The following EXOC4 variants were observed in gnomAD, a reference collection of about 807,000 sequenced individuals.
EXOC4 encodes SEC8-like 1.
Under a neutral mutation model 107.2 loss-of-function variants are expected in EXOC4, and 71 were observed. That is an observed-to-expected ratio of 0.66 (90% CI 0.55 to 0.81). The LOEUF is 0.81. Among genes scored for constraint, EXOC4 ranks in the 30% least tolerant of loss-of-function variants. The pLI is 0.00. For synonymous variants in EXOC4, 456 were observed against 441.2 expected (o/e 1.03, Z -0.42); for missense variants, 1,108 against 1,189.6 (o/e 0.93, Z 1.01).
intron 7 of EXOC4, among the ~76,000 whole-genome samples, chr7:133,419,156 C>T (rs917705545): frequency 1.3e-5 from 2 of 151,974 alleles, no homozygotes; most frequent in African/African-American, 4.8e-5. Flanking sequence ...GAGATGGTTT[C>T]AAGAAAATAA....
At chr7:133,375,065 A>C in intron 7 of EXOC4, 63 bp downstream of exon 7, 1 of 1,361,122 alleles carries the variant, frequency 7.3e-7, no homozygotes, top group Admixed American at 1.8e-5. Context: ...TAACAACAAC[A>C]ACAGCAACAA....
intron 10 of EXOC4, among the ~76,000 whole-genome samples, chr7:133,698,306 A>G (rs543607279): frequency 6.6e-6 from 1 of 152,126 alleles, no homozygotes; most frequent in South Asian, 2.1e-4. Flanking sequence ...TGTTATTCTT[A>G]AAGAACATGC....
At chr7:133,404,903 C>T (rs181740855) in intron 7 of EXOC4, among the ~76,000 whole-genome samples, 14 of 5,660 alleles carry the variant, frequency 2.5e-3, no homozygotes, top group South Asian at 0.029. Context: ...CACACACACA[C>T]GCACACACAC....
chr7:133,711,072 T>A (rs924924566), intron 10 of EXOC4, among the ~76,000 whole-genome samples: 8 of 152,306 alleles, frequency 5.3e-5, no homozygotes, highest in Non-Finnish European at 1.2e-4. Context: ...ACTGTATCAT[T>A]TTTTACTGAC....
chr7:133,463,684 A>G (rs1798647594), intron 7 of EXOC4, among the ~76,000 whole-genome samples: 1 of 152,208 alleles, frequency 6.6e-6, no homozygotes, highest in Non-Finnish European at 1.5e-5. Context: ...AGGTTGTAAA[A>G]TACAGTAATC....
intron 9 of EXOC4, among the ~76,000 whole-genome samples, chr7:133,547,725 A>C (rs1036712590): frequency 6.6e-6 from 1 of 152,082 alleles, no homozygotes; most frequent in Non-Finnish European, 1.5e-5. Context: ...TGTTTGTTCA[A>C]GTTTTATCAT....
chr7:134,069,598 A>G (rs1352629086), downstream of EXOC4, among the ~76,000 whole-genome samples: 4 of 152,090 alleles, frequency 2.6e-5, no homozygotes, highest in Non-Finnish European at 2.9e-5. Context: ...CCTGGGTTCA[A>G]GCGATTCTCA....
At chr7:134,038,993 G>A (rs1466662157) in intron 17 of EXOC4, among the ~76,000 whole-genome samples, 1 of 152,138 alleles carries the variant, frequency 6.6e-6, no homozygotes, top group African/African-American at 2.4e-5. Flanking sequence ...CCCACTTCTG[G>A]AGATCCTGAG....
intron 9 of EXOC4, among the ~76,000 whole-genome samples, chr7:133,603,672 G>A (rs1469961228): frequency 6.6e-6 from 1 of 152,134 alleles, no homozygotes; most frequent in African/African-American, 2.4e-5. Context: ...ACAGTTTAAA[G>A]GTGAAAATGG....
At chr7:133,798,788 G>C (rs938928169) in intron 10 of EXOC4, among the ~76,000 whole-genome samples, 10 of 152,002 alleles carry the variant, frequency 6.6e-5, no homozygotes, top group South Asian at 2.1e-4. Context: ...CCATGAGAAA[G>C]ACAAAAAAAA....
intron 1 of EXOC4, among the ~76,000 whole-genome samples, chr7:133,255,373 C>T (rs1001927947): frequency 6.6e-6 from 1 of 152,138 alleles, no homozygotes; most frequent in African/African-American, 2.4e-5. Flanking sequence ...TACAGGGTTT[C>T]ACCATATTGG....
intron 14 of EXOC4, among the ~76,000 whole-genome samples, chr7:133,950,072 T>A (rs544232555): frequency 6.6e-6 from 1 of 152,310 alleles, no homozygotes; most frequent in East Asian, 1.9e-4. Flanking sequence ...CCCATTCTGC[T>A]AAAACACACA....
At chr7:133,820,276 A>G (rs1797486841) in intron 11 of EXOC4, among the ~76,000 whole-genome samples, 1 of 150,898 alleles carries the variant, frequency 6.6e-6, no homozygotes, top group Admixed American at 6.6e-5. Flanking sequence ...ATATTCTCAG[A>G]GAGAGTTATG....
intron 14 of EXOC4, 123 bp from the exon 15 acceptor site, chr7:133,997,369 A>T: frequency 1.0e-6 from 1 of 983,364 alleles, no homozygotes; most frequent in Non-Finnish European, 1.5e-6. Context: ...TGGACTTCTA[A>T]TGCTGCCAAC....
intron 14 of EXOC4, among the ~76,000 whole-genome samples, chr7:133,973,879 G>C (rs1368918930): frequency 6.6e-6 from 1 of 152,312 alleles, no homozygotes; most frequent in South Asian, 2.1e-4. Context: ...AAATTGAGGG[G>C]CCTGCATCTG....
intron 6 of EXOC4, among the ~76,000 whole-genome samples, chr7:133,366,748 A>G (rs1400214277): frequency 6.6e-6 from 1 of 152,176 alleles, no homozygotes; most frequent in Non-Finnish European, 1.5e-5. Flanking sequence ...ATTGCCTATC[A>G]TATGCTATTT....
intron 12 of EXOC4, among the ~76,000 whole-genome samples, chr7:133,898,101 A>G (rs1799362672): frequency 1.3e-5 from 2 of 151,892 alleles, no homozygotes; most frequent in South Asian, 2.1e-4. Flanking sequence ...TATAAGTGAA[A>G]TCATGCAATA....
At chr7:133,640,854 G>A (rs1802836121) in intron 10 of EXOC4, among the ~76,000 whole-genome samples, 1 of 116,840 alleles carries the variant, frequency 8.6e-6, no homozygotes, top group Non-Finnish European at 1.7e-5. Flanking sequence ...ACTTAAAATC[G>A]ACATTCTCTC....
intron 7 of EXOC4, among the ~76,000 whole-genome samples, chr7:133,410,356 G>A (rs951275133): frequency 8.5e-5 from 13 of 152,160 alleles, no homozygotes; most frequent in Non-Finnish European, 1.8e-4. Flanking sequence ...TCAAATGAAC[G>A]TTAATATTGA....
Sources: gnomAD v4.1 joint callset for allele counts (sites outside exome capture counted in the v4.1 genomes callset) on GRCh38, gnomAD v4.1.1 for gene constraint, MANE v1.5 for transcripts, NCBI Gene and HGNC (gene_info 2026-07-23, HGNC 2026-07-21) for gene names.